Variants in PIK3C2A observed in about 807,000 individuals in gnomAD.
PIK3C2A encodes the protein phosphatidylinositol 4-phosphate 3-kinase C2 domain-containing subunit alpha.
A neutral mutation model predicts 204.5 loss-of-function variants in PIK3C2A; 97 were observed. That is an observed-to-expected ratio of 0.47 (90% CI 0.40 to 0.56). The LOEUF is 0.56. Among genes scored for constraint, PIK3C2A ranks in the 20% least tolerant of loss-of-function variants. The pLI, the probability that PIK3C2A is intolerant of heterozygous loss-of-function variation, is 0.00. For missense variants in PIK3C2A, 1,735 were observed against 1,969.2 expected (o/e 0.88, Z 2.25); for synonymous variants, 653 against 664.4 (o/e 0.98, Z 0.26).
At chr11:17,184,284 A>G (rs1851678080) in intron 1 of PIK3C2A, among the ~76,000 whole-genome samples, 1 of 151,810 alleles carries the variant, frequency 6.6e-6, no homozygotes, top group Non-Finnish European at 1.5e-5. Flanking sequence ...GGTATTTCAG[A>G]AGACGGCATT....
intron 1 of PIK3C2A, chr11:17,193,866 A>AGAGGAGGGGAGGGGAGGGGAG (rs1565305751): frequency 1.0e-5 from 1 of 99,256 alleles, no homozygotes; most frequent in Non-Finnish European, 1.7e-5. Flanking sequence ...AGAAAAGAAA[A>AGAGGAGGGGAGGGGAGGGGAG]GAAAAGAAAA....
chr11:17,181,781 T>G lies in PIK3C2A; in HGVS notation c.-65-11975A>C, dbSNP rs189300505. On this transcript the variant is annotated intron_variant, in intron 1 of 32. Coordinates refer to ENST00000691414, the MANE Select transcript of PIK3C2A (RefSeq NM_002645.4). ...GAATGCTTACATTATGGCAAAACTG[T>G]GAAGGAAATGATTATCAAAAGTTAG... 1.9e-4 allele frequency among the ~76,000 whole-genome samples: 29 copies of G among 150,984 alleles called. 1 individual carries two copies. The East Asian group carries it at 4.5e-3, about 23-fold the overall frequency.
At chr11:17,134,699 T>TCTCATTGC in intron 11 of PIK3C2A, 120 bp downstream of exon 11, 3 of 719,242 alleles carry the variant, frequency 4.2e-6, no homozygotes, top group Non-Finnish European at 7.2e-6. Context: ...AGAGATGAGG[T>TCTCATTGC]CTCATTGCCA....
At chr11:17,171,218 T>C (rs1851144692) in intron 1 of PIK3C2A, among the ~76,000 whole-genome samples, 1 of 152,216 alleles carries the variant, frequency 6.6e-6, no homozygotes, top group Non-Finnish European at 1.5e-5. Context: ...ACAAACTAAA[T>C]GAAATAATAC....
intron 1 of PIK3C2A, among the ~76,000 whole-genome samples, chr11:17,187,524 C>T (rs1851795591): frequency 6.6e-6 from 1 of 152,094 alleles, no homozygotes; most frequent in Admixed American, 6.6e-5. Context: ...ACCCTGCACC[C>T]ATTAGCAGAG....
chr11:17,108,216 G>A (rs1320705500), intron 22 of PIK3C2A, among the ~76,000 whole-genome samples: 1 of 152,142 alleles, frequency 6.6e-6, no homozygotes, highest in Non-Finnish European at 1.5e-5. Flanking sequence ...CAAAAATCAG[G>A]TTTTAAAACG....
In PIK3C2A at chr11:17,135,136, T is replaced by A. The variant is rs1361875450; in HGVS notation, c.1872A>T (p.Glu624Asp). The A allele has an allele frequency of 6.2e-7, 1 of 1,613,934 alleles. No homozygotes were observed. Among genetic ancestry groups the A allele is most frequent in the African/African-American group, 1.3e-5 (1 of 74,910 alleles). ...TADVTSLFGG[E>D]DTSRSSTRGS... Reference sequence around the variant, plus strand: ...CCCTAGTTGAACTCCTGCTAGTGTCTTCTCCTCCAAACAAAGAAGTCACCT... The same window carrying A: ...CCCTAGTTGAACTCCTGCTAGTGTCATCTCCTCCAAACAAAGAAGTCACCT... Residue 624 changes from glutamate (E) to aspartate (D), a missense_variant, in exon 10 of 33, where the codon GAA (glutamate) becomes GAT (aspartate). Glu to Asp is a conservative substitution (Grantham distance 45, BLOSUM62 2). Around this residue, in one of 6 missense-constraint regions of PIK3C2A, gnomAD observed 10 missense variants for 28.1 expected, o/e 0.36. Transcript: ENST00000691414.
At chr11:17,196,908 GA>G (rs1275096594) in intron 1 of PIK3C2A, among the ~76,000 whole-genome samples, 3 of 150,548 alleles carry the variant, frequency 2.0e-5, no homozygotes, top group Non-Finnish European at 3.0e-5. Flanking sequence ...GGTAGTCAGG[GA>G]AAAAAAAATT....
At chr11:17,107,533 T>C (rs1038646100) in intron 22 of PIK3C2A, among the ~76,000 whole-genome samples, 1 of 152,100 alleles carries the variant, frequency 6.6e-6, no homozygotes, top group Non-Finnish European at 1.5e-5. Flanking sequence ...ACATAAGTAG[T>C]TATATTGTGG....
chr11:17,102,288 T>TC lies in PIK3C2A; in HGVS notation c.3851+373_3851+374insG, dbSNP rs1478281558. Among the ~76,000 whole-genome samples the TC allele has an allele frequency of 1.6e-4, 25 of 151,972 alleles. 1 individual carries two copies. The highest frequency in any genetic ancestry group is 1.6e-3 in the Admixed American group (25 of 15,266). ...CGTCTCTACTAAAAATACAAAAAAA[T>TC]TAGCCGGGCGTGGTGGCGGGCGCCT... On this transcript the variant is annotated intron_variant, in intron 24 of 32. Coordinates refer to ENST00000691414, the MANE Select transcript of PIK3C2A (RefSeq NM_002645.4).
chr11:17,154,574 T>C (rs915284898), intron 3 of PIK3C2A, among the ~76,000 whole-genome samples: 3 of 152,132 alleles, frequency 2.0e-5, no homozygotes, highest in African/African-American at 4.8e-5. Flanking sequence ...AGATAACAGA[T>C]CTCTCATCCT....
chr11:17,175,029 T>G (rs1011964614), intron 1 of PIK3C2A, among the ~76,000 whole-genome samples: 4 of 152,262 alleles, frequency 2.6e-5, no homozygotes, highest in African/African-American at 9.6e-5. Context: ...TGTTGCCACA[T>G]CTGGTAATGA....
intron 2 of PIK3C2A, among the ~76,000 whole-genome samples, chr11:17,163,131 C>T (rs993457088): frequency 6.6e-6 from 1 of 152,012 alleles, no homozygotes; most frequent in Non-Finnish European, 1.5e-5. Context: ...CATGGTGTAA[C>T]CCCAACTCTA....
intron 15 of PIK3C2A, 68 bp from the exon 16 acceptor site, chr11:17,120,042 A>C (rs895605283): frequency 1.5e-6 from 1 of 663,018 alleles, no homozygotes. Flanking sequence ...ATGATTAAAA[A>C]TACAAAGAAG....
intron 2 of PIK3C2A, among the ~76,000 whole-genome samples, chr11:17,161,658 A>C (rs542582987): frequency 1.3e-5 from 2 of 152,224 alleles, no homozygotes; most frequent in Non-Finnish European, 2.9e-5. Context: ...TATTAATAAA[A>C]CAAAGGACAC....
Position 17,155,529 on chromosome 11 carries a change from G to T in PIK3C2A, c.1166C>A (p.Thr389Lys). ...TTTATAAAGAAAAATTCCTTACTTT[G>T]TAATGGATCGACAAAAAGCTGCCAT... is the stretch of plus-strand genomic sequence containing the variant. The part of the protein sequence containing the change: ...EEMAAFCRSI[T>K]KLKTKFPYTN... The change falls in exon 3 of 33, where the codon ACA becomes AAA. Residue 389 changes from threonine (T) to lysine (K), a missense_variant. Coordinates refer to ENST00000691414, the MANE Select transcript of PIK3C2A (RefSeq NM_002645.4). The T allele has an allele frequency of 1.3e-6, 2 of 1,556,704 alleles. No homozygotes were observed. The highest frequency in any genetic ancestry group is 8.8e-7 in the Non-Finnish European group (1 of 1,132,962).
intron 2 of PIK3C2A, among the ~76,000 whole-genome samples, chr11:17,156,889 C>T (rs971057963): frequency 1.3e-5 from 2 of 152,042 alleles, no homozygotes; most frequent in Admixed American, 1.3e-4. Context: ...CTTGTAGTCC[C>T]AGGTACCCAG....
intron 26 of PIK3C2A, 114 bp downstream of exon 26, chr11:17,099,746 A>G (rs1423028924): frequency 1.4e-5 from 8 of 552,272 alleles, no homozygotes; most frequent in Non-Finnish European, 2.2e-5. Flanking sequence ...ACTATGAATC[A>G]GAATTTGTTC....
Position 17,129,288 on chromosome 11 carries a change from G to C in PIK3C2A, c.2399+12C>G. The C allele has an allele frequency of 6.2e-7, 1 of 1,608,584 alleles. No homozygotes were observed. Among genetic ancestry groups the C allele is most frequent in the South Asian group, 1.1e-5 (1 of 90,930 alleles). On this transcript the variant is annotated intron_variant, in intron 13 of 32. Transcript: ENST00000691414. ...CCACAGTGACTCACCATTACAATTC[G>C]GTAATACTTACCGTTTAAAGTCAAA...
Sources: allele counts gnomAD v4.1 joint callset (sites outside exome capture counted in the v4.1 genomes callset), GRCh38; gene constraint gnomAD v4.1.1; regional missense constraint gnomAD v4.1.1; transcripts MANE v1.5; gene names NCBI Gene and HGNC (gene_info 2026-07-23, HGNC 2026-07-21).